The following TLL1 variants were observed in gnomAD, a reference collection of about 807,000 sequenced individuals.
TLL1 encodes the protein tolloid like 1, also known as tolloid-like protein 1.
Under a neutral mutation model 128.2 loss-of-function variants are expected in TLL1, and 49 were observed. That is an observed-to-expected ratio of 0.38 (90% CI 0.30 to 0.48). The LOEUF (loss-of-function observed/expected upper bound fraction) is 0.48, where lower values mean the gene tolerates loss of function less well. Ranked by LOEUF, TLL1 falls within the 20% of genes least tolerant of loss-of-function variation. The pLI, the probability that TLL1 is intolerant of heterozygous loss-of-function variation, is 0.96. For missense variants in TLL1, 1,123 were observed against 1,242.0 expected, an observed-to-expected ratio of 0.90 and a Z score of 1.44; for synonymous variants, 454 against 418.8, an observed-to-expected ratio of 1.08 and a Z score of -1.03.
chr4:166,032,187 A>G (rs1221761402), intron 9 of TLL1, among the ~76,000 whole-genome samples: 1 of 152,130 alleles, frequency 6.6e-6, no homozygotes, highest in Non-Finnish European at 1.5e-5. Context: ...ATATTTTAGA[A>G]AACTAGAAAC....
chr4:166,077,457 T>C (rs1192932763), intron 17 of TLL1, among the ~76,000 whole-genome samples: 4 of 152,164 alleles, frequency 2.6e-5, no homozygotes, highest in African/African-American at 9.7e-5. Context: ...ACATGATTCA[T>C]AAGGTGCCTT....
chr4:165,892,583 T>C (rs1177761957), intron 1 of TLL1, among the ~76,000 whole-genome samples: 4 of 152,308 alleles, frequency 2.6e-5, no homozygotes, highest in Non-Finnish European at 4.4e-5. Flanking sequence ...CCTTTATGCC[T>C]CTTTTCTTTT....
At chr4:166,070,063 A>G (rs1740742651) in intron 16 of TLL1, among the ~76,000 whole-genome samples, 1 of 151,826 alleles carries the variant, frequency 6.6e-6, no homozygotes, top group African/African-American at 2.4e-5. Flanking sequence ...TTTCTAGAAG[A>G]TATATAGTCC....
intron 1 of TLL1, among the ~76,000 whole-genome samples, chr4:165,931,619 T>C (rs187161734): frequency 6.6e-6 from 1 of 151,194 alleles, no homozygotes; most frequent in African/African-American, 2.4e-5. Flanking sequence ...CTTGGGAGGC[T>C]GAGGCAGGAG....
intron 8 of TLL1, 47 bp downstream of exon 8, chr4:166,014,607 T>C: frequency 2.5e-6 from 4 of 1,606,932 alleles, no homozygotes; most frequent in Non-Finnish European, 3.4e-6. Flanking sequence ...TTGATTGTGC[T>C]CTTCCAGATG....
At chr4:166,051,146 G>T (rs1394252472) in intron 12 of TLL1, among the ~76,000 whole-genome samples, 1 of 152,106 alleles carries the variant, frequency 6.6e-6, no homozygotes, top group Non-Finnish European at 1.5e-5. Flanking sequence ...TGTTTATTGT[G>T]TGTTTAATTA....
intron 8 of TLL1, among the ~76,000 whole-genome samples, chr4:166,021,292 A>G (rs1174624157): frequency 6.6e-6 from 1 of 151,762 alleles, no homozygotes; most frequent in Non-Finnish European, 1.5e-5. Flanking sequence ...TACCCAGCAG[A>G]TATTCCCTCA....
rs148688445 is a variant in TLL1 at position 166,043,151 on chromosome 4, T to C, written c.1379-123T>C. 3.4e-3 allele frequency: 4,624 copies of C among 1,353,796 alleles called. 100 individuals carry two copies. The African/African-American group carries it at 0.051, about 15-fold the overall frequency. 83.9% of individuals were successfully genotyped at this position (1,353,796 alleles called of 1,614,324 possible). The stretch of plus-strand genomic sequence containing the variant: ...ACATTACAACCAGTCAACTTTGATT[T>C]TTATAGCCTGGTCTTTATGTACTGA... On this transcript the variant is annotated intron_variant, in intron 11 of 20. Transcript: ENST00000061240.
intron 2 of TLL1, among the ~76,000 whole-genome samples, chr4:165,990,523 A>G (rs959755672): frequency 6.6e-6 from 1 of 151,958 alleles, no homozygotes; most frequent in African/African-American, 2.4e-5. Flanking sequence ...ATTAGATTGT[A>G]GAATAGTGGT....
At chr4:166,092,461 G>GA (rs1339113122) in intron 19 of TLL1, among the ~76,000 whole-genome samples, 1 of 151,906 alleles carries the variant, frequency 6.6e-6, no homozygotes, top group Non-Finnish European at 1.5e-5. Flanking sequence ...ATGGCATGAG[G>GA]AAAATCTTAC....
At chr4:166,083,942 T>G (rs1741393406) in intron 18 of TLL1, among the ~76,000 whole-genome samples, 1 of 152,184 alleles carries the variant, frequency 6.6e-6, no homozygotes, top group Non-Finnish European at 1.5e-5. Flanking sequence ...AATTCTATTT[T>G]TAACTTTTCG....
rs1742408405 is a variant in TLL1 at position 166,104,083 on chromosome 4, C to G, written c.*3207C>G. 6.6e-6 allele frequency among the ~76,000 whole-genome samples: 1 copy of G among 151,786 alleles called. No homozygotes were observed. The highest frequency in any genetic ancestry group is 6.6e-5 in the Admixed American group (1 of 15,210). Reference sequence around the variant, plus strand: ...TATGTCACAGTATGAGATTCAAATTCTGTTTAACTTTGTTTTAAAATAGCT... The same window carrying G: ...TATGTCACAGTATGAGATTCAAATTGTGTTTAACTTTGTTTTAAAATAGCT... On this transcript the variant is annotated 3_prime_UTR_variant, in exon 21 of 21. Coordinates refer to ENST00000061240, the MANE Select transcript of TLL1 (RefSeq NM_012464.5).
At chr4:165,885,616 A>G (rs1221804617) in intron 1 of TLL1, among the ~76,000 whole-genome samples, 1 of 152,158 alleles carries the variant, frequency 6.6e-6, no homozygotes, top group Non-Finnish European at 1.5e-5. Flanking sequence ...AAAACTACCA[A>G]AGAGTAGCAA....
chr4:166,039,333 T>A lies in TLL1; in HGVS notation c.1159-6T>A, dbSNP rs1442018632. On this transcript the variant is annotated splice_polypyrimidine_tract_variant and splice_region_variant and intron_variant, in intron 9 of 20. Coordinates refer to ENST00000061240, the MANE Select transcript of TLL1 (RefSeq NM_012464.5). ...ACTCTGTGGGTTGCTTACCTCCATTTTGCAGATTGTTTTAAATTTTACAAC... is the reference window on the plus strand; with the variant it reads ...ACTCTGTGGGTTGCTTACCTCCATTATGCAGATTGTTTTAAATTTTACAAC... The A allele has an allele frequency of 6.2e-7, 1 of 1,605,812 alleles. No homozygotes were observed. Among genetic ancestry groups the A allele is most frequent in the Non-Finnish European group, 8.5e-7 (1 of 1,172,926 alleles).
intron 1 of TLL1, among the ~76,000 whole-genome samples, chr4:165,976,284 C>A (rs992135186): frequency 6.6e-5 from 10 of 151,934 alleles, no homozygotes; most frequent in Non-Finnish European, 1.2e-4. Flanking sequence ...TATAACAATT[C>A]TTTTATTATA....
At position 166,004,906 on chromosome 4, in the gene TLL1, A is replaced by G. The variant is rs1298237401; in HGVS notation, c.811+1337A>G. ...GTTCAGATTAAAATAAAGAGAACTC[A>G]TTTTCCCAGTCAGACTTATAGCGAT... On this transcript the variant is annotated intron_variant, in intron 6 of 20. Coordinates refer to ENST00000061240, the MANE Select transcript of TLL1 (RefSeq NM_012464.5). Among the ~76,000 whole-genome samples the G allele has an allele frequency of 1.3e-4, 20 of 151,674 alleles. No homozygotes were observed. The Admixed American group carries it at 1.3e-3, about 10-fold the overall frequency.
At chr4:165,930,605 G>A (rs960959391) in intron 1 of TLL1, among the ~76,000 whole-genome samples, 1 of 152,064 alleles carries the variant, frequency 6.6e-6, no homozygotes. Context: ...GTACTATCTG[G>A]CTCTTTACAG....
chr4:165,933,983 A>G (rs1364473185), intron 1 of TLL1, among the ~76,000 whole-genome samples: 1 of 151,516 alleles, frequency 6.6e-6, no homozygotes, highest in Non-Finnish European at 1.5e-5. Flanking sequence ...TCCACCTTCC[A>G]CTGGTGACGT....
At chr4:166,078,770 G>T (rs780967119) in intron 18 of TLL1, among the ~76,000 whole-genome samples, 1 of 152,110 alleles carries the variant, frequency 6.6e-6, no homozygotes, top group Non-Finnish European at 1.5e-5. Context: ...GTTTTTAGAA[G>T]CAGAAGGCAG....
Sources: allele counts gnomAD v4.1 joint callset (sites outside exome capture counted in the v4.1 genomes callset), GRCh38; gene constraint gnomAD v4.1.1; transcripts MANE v1.5; gene names NCBI Gene and HGNC (gene_info 2026-07-23, HGNC 2026-07-21).